Variants in GDPD5 observed in about 807,000 individuals in gnomAD.
GDPD5 encodes the protein glycerophosphodiester phosphodiesterase domain containing 5.
A neutral mutation model predicts 75.1 loss-of-function variants in GDPD5; 48 were observed. That is an observed-to-expected ratio of 0.64 (90% CI 0.51 to 0.81). The LOEUF (loss-of-function observed/expected upper bound fraction) is 0.81, where lower values mean the gene tolerates loss of function less well. Among genes scored for constraint, GDPD5 ranks in the 40% least tolerant of loss-of-function variants. The probability of loss-of-function intolerance (pLI) is 0.00; values close to 1 mark genes in which losing one functional copy is unlikely to be tolerated. For synonymous variants in GDPD5, 336 were observed against 339.0 expected (o/e 0.99, Z 0.10); for missense variants, 706 against 822.6 (o/e 0.86, Z 1.73).
In GDPD5 at chr11:75,439,889, C is replaced by G. The variant is rs747837324; in HGVS notation, c.1546G>C (p.Val516Leu). 2.5e-6 allele frequency: 4 copies of G among 1,613,550 alleles called. No individual in the cohort carries two copies. In the East Asian group the frequency reaches 8.9e-5, roughly 36 times the overall value. Residue 516 changes from valine to leucine, a missense_variant, in exon 15 of 17, where the codon GTG becomes CTG. Transcript: ENST00000336898. ...TCAGATCCTACTCACTTCTGGAGCA[C>G]GAAGATGCCCACGATGAGGGTGAAG... ...VSFTLIVGIF[V>L]LQKWRLGGIR...
chr11:75,524,354 G>A (rs544212695), intron 1 of GDPD5, among the ~76,000 whole-genome samples: 1 of 152,362 alleles, frequency 6.6e-6, no homozygotes, highest in South Asian at 2.1e-4. Flanking sequence ...GAAAGCCCCA[G>A]CCACCTATCC....
intron 2 of GDPD5, among the ~76,000 whole-genome samples, chr11:75,481,410 G>C (rs1949916077): frequency 6.6e-6 from 1 of 152,200 alleles, no homozygotes; most frequent in Non-Finnish European, 1.5e-5. Context: ...GAATGACCCA[G>C]AGTCTCCTGA....
At chr11:75,448,791 C>G (rs1949052798) in intron 9 of GDPD5, 186 bp downstream of exon 9, 1 of 1,163,200 alleles carries the variant, frequency 8.6e-7, no homozygotes, top group African/African-American at 1.6e-5. Flanking sequence ...TAGCAAGATG[C>G]CTTCAGGACG....
At chr11:75,507,775 G>A (rs1565219077) in intron 1 of GDPD5, among the ~76,000 whole-genome samples, 1 of 152,208 alleles carries the variant, frequency 6.6e-6, no homozygotes, top group Non-Finnish European at 1.5e-5. Context: ...CACTTGTCAG[G>A]AACACTCAGA....
At position 75,441,599 on chromosome 11, in the gene GDPD5, GACTC is replaced by G. The variant is rs1406413626; in HGVS notation, c.1325+43_1325+46del. ...GGGTGGTGGTGGCAGGACTGGGAGA[GACTC>G]AGTCCCACCCTCTCCTGGAGGAGCC... On this transcript the variant is annotated intron_variant, in intron 13 of 16. Transcript: ENST00000336898. The G allele has an allele frequency of 2.7e-6, 4 of 1,494,532 alleles. No homozygotes were observed. The African/African-American group carries it at 5.5e-5, about 21-fold the overall frequency. 92.6% of individuals were successfully genotyped at this position (1,494,532 alleles called of 1,614,324 possible).
intron 3 of GDPD5, among the ~76,000 whole-genome samples, chr11:75,463,193 G>T (rs562165762): frequency 1.3e-5 from 2 of 152,344 alleles, no homozygotes; most frequent in African/African-American, 4.8e-5. Flanking sequence ...CTATTCTGGG[G>T]ACGGCTCCCT....
chr11:75,499,612 T>C (rs149187059), intron 1 of GDPD5, among the ~76,000 whole-genome samples: 1 of 152,214 alleles, frequency 6.6e-6, no homozygotes, highest in East Asian at 1.9e-4. Flanking sequence ...CCACTCCAAG[T>C]GGCCAGCTGA....
chr11:75,508,980 G>A (rs1383632741), intron 1 of GDPD5: 2 of 152,294 alleles, frequency 1.3e-5, no homozygotes, highest in South Asian at 2.1e-4. Context: ...AAATAAAGCA[G>A]TGTCCACATT....
At chr11:75,516,632 G>T (rs941927128) in intron 1 of GDPD5, among the ~76,000 whole-genome samples, 1 of 152,222 alleles carries the variant, frequency 6.6e-6, no homozygotes, top group African/African-American at 2.4e-5. Context: ...TGAAGGAAGG[G>T]GCAGGAGGCA....
At chr11:75,496,779 CTTTTTTT>C (rs544914858) in intron 1 of GDPD5, among the ~76,000 whole-genome samples, 1 of 103,112 alleles carries the variant, frequency 9.7e-6, no homozygotes, top group Admixed American at 1.3e-4. Context: ...TTCTTTCTTT[CTTTTTTT>C]TTTTTTTTTT....
At chr11:75,485,475 T>G (rs1211779735) in intron 2 of GDPD5, 1 of 151,858 alleles carries the variant, frequency 6.6e-6, no homozygotes, top group Non-Finnish European at 1.5e-5. Context: ...AATTTTACTG[T>G]AAACCTAAAA....
chr11:75,447,552 T>G (rs977968366), intron 9 of GDPD5, among the ~76,000 whole-genome samples: 2 of 152,214 alleles, frequency 1.3e-5, no homozygotes, highest in African/African-American at 4.8e-5. Flanking sequence ...ATTGGATTCA[T>G]TACATCCTTC....
chr11:75,499,906 C>T (rs140718634), intron 1 of GDPD5, among the ~76,000 whole-genome samples: 19 of 152,352 alleles, frequency 1.2e-4, no homozygotes, highest in African/African-American at 4.6e-4. Context: ...TGACCTGAAC[C>T]TGGTTTACGA....
At chr11:75,474,682 G>A (rs996901825) in intron 3 of GDPD5, among the ~76,000 whole-genome samples, 3 of 152,174 alleles carry the variant, frequency 2.0e-5, no homozygotes, top group Admixed American at 1.3e-4. Context: ...GGAGACCAGC[G>A]TGGATGGAGA....
At chr11:75,523,224 C>T (rs1457998947) in intron 1 of GDPD5, among the ~76,000 whole-genome samples, 1 of 152,178 alleles carries the variant, frequency 6.6e-6, no homozygotes, top group Admixed American at 6.5e-5. Context: ...GTGATTTGCT[C>T]AGTGCCACTC....
chr11:75,449,795 T>C, intron 7 of GDPD5, 90 bp downstream of exon 7: 1 of 1,427,260 alleles, frequency 7.0e-7, no homozygotes, highest in Non-Finnish European at 9.8e-7. Flanking sequence ...CCTGGGCGCC[T>C]CCCTGCCCTT....
chr11:75,451,253 C>T (rs1354961907), intron 6 of GDPD5: 1 of 152,364 alleles, frequency 6.6e-6, no homozygotes, highest in African/African-American at 2.4e-5. Flanking sequence ...AATGTTCCCC[C>T]AAGAGACCTG....
intron 15 of GDPD5, chr11:75,439,396 G>C: frequency 2.2e-6 from 1 of 456,298 alleles, no homozygotes; most frequent in Non-Finnish European, 4.4e-6. Context: ...GGGAGGGGGA[G>C]AGAGGAGGGA....
intron 1 of GDPD5, among the ~76,000 whole-genome samples, chr11:75,495,387 C>T (rs184000500): frequency 4.0e-5 from 6 of 151,364 alleles, no homozygotes; most frequent in Non-Finnish European, 7.4e-5. Context: ...ATCACTTGAA[C>T]CTGAGAAGCA....
Sources: gnomAD v4.1 joint callset for allele counts (sites outside exome capture counted in the v4.1 genomes callset) on GRCh38, gnomAD v4.1.1 for gene constraint, MANE v1.5 for transcripts, NCBI Gene and HGNC (gene_info 2026-07-23, HGNC 2026-07-21) for gene names.